PPM1A: variants seen among roughly 807,000 people sequenced by gnomAD.
PPM1A encodes the protein protein phosphatase 1A.
PPM1A carries 7 observed loss-of-function variants against 35.0 expected under a neutral mutation model. The ratio of observed to expected loss-of-function variants is 0.20; its 90% CI spans 0.11 to 0.38. The LOEUF (loss-of-function observed/expected upper bound fraction) is 0.38. Among genes scored for constraint, PPM1A ranks in the 10% least tolerant of loss-of-function variants. PPM1A has a pLI of 1.00. For missense variants in PPM1A, 239 were observed against 467.8 expected (o/e 0.51, Z 4.51); for synonymous variants, 153 against 167.3 (o/e 0.91, Z 0.66).
intron 1 of PPM1A, chr14:60,277,026 G>C (rs1441798547): frequency 8.4e-7 from 1 of 1,190,754 alleles, no homozygotes; most frequent in African/African-American, 1.6e-5. Context: ...GAAAAGTTCA[G>C]ATCAACTGAT....
chr14:60,264,281 C>T (rs567699383), intron 1 of PPM1A, among the ~76,000 whole-genome samples: 26 of 152,170 alleles, frequency 1.7e-4, no homozygotes, highest in African/African-American at 5.8e-4. Context: ...ACTTGGATCT[C>T]TGAGAAGTTC....
intron 1 of PPM1A, among the ~76,000 whole-genome samples, chr14:60,253,139 C>A (rs568503931): frequency 5.9e-5 from 9 of 152,054 alleles, no homozygotes; most frequent in Admixed American, 2.0e-4. Flanking sequence ...AAGGGGGGAT[C>A]TTGAGTTTTT....
chr14:60,283,562 T>C lies in PPM1A; in HGVS notation c.834+25T>C, dbSNP rs1399621384. ...GGTAGCTAGACTTTTTTTAAAAACATAAAATGATTTTATGCCATATTAATC... is the reference window on the plus strand; with the variant it reads ...GGTAGCTAGACTTTTTTTAAAAACACAAAATGATTTTATGCCATATTAATC... On this transcript the variant is annotated intron_variant, in intron 2 of 5. Transcript: ENST00000395076. The surrounding 1 kb of genome is among the most constrained non-coding windows in gnomAD (Gnocchi z 6.3). 1.3e-6 allele frequency: 2 copies of C among 1,573,050 alleles called. No homozygotes were observed. The highest frequency in any genetic ancestry group is 2.7e-5 in the African/African-American group (2 of 73,080).
chr14:60,262,633 T>A (rs1039606041), intron 1 of PPM1A, among the ~76,000 whole-genome samples: 1 of 152,098 alleles, frequency 6.6e-6, no homozygotes, highest in African/African-American at 2.4e-5. Flanking sequence ...ATAGTTTGAG[T>A]TGTGATCGTG....
chr14:60,285,565 C>T (rs1886924612), intron 2 of PPM1A, 59 bp from the exon 3 acceptor site: 1 of 1,551,520 alleles, frequency 6.4e-7, no homozygotes, highest in South Asian at 1.2e-5. Context: ...TGTAAAGGTT[C>T]TCAAGGCTTT....
chr14:60,262,299 G>A (rs1184650032), intron 1 of PPM1A, among the ~76,000 whole-genome samples: 1 of 152,152 alleles, frequency 6.6e-6, no homozygotes, highest in Non-Finnish European at 1.5e-5. Flanking sequence ...TAATCTACAG[G>A]ACTGAGCATT....
At chr14:60,286,336 C>T in intron 3 of PPM1A, 1 of 985,766 alleles carries the variant, frequency 1.0e-6, no homozygotes, top group Non-Finnish European at 1.2e-6. Flanking sequence ...AGAAAAGTAA[C>T]TGCCAAGTAA....
rs1223237039 is a variant in PPM1A, at chr14:60,293,084, C to G, written c.*602C>G. On this transcript the variant is annotated 3_prime_UTR_variant, in exon 6 of 6. Transcript: ENST00000395076. The surrounding 1 kb of genome is among the most constrained non-coding windows in gnomAD (Gnocchi z 4.0). ...AAAGCCAGTCCCTTCATTTAACTGT[C>G]TTTCAGGATGTTCCTTCGTTGTTTC... The G allele has an allele frequency of 6.6e-6, 1 of 152,058 alleles. No individual in the cohort carries two copies. Among genetic ancestry groups the G allele is most frequent in the Non-Finnish European group, 1.5e-5 (1 of 68,006 alleles). The allele number at this position is 152,058 out of a possible 1,614,324, so 9.4% of individuals were successfully genotyped here.
intron 1 of PPM1A, chr14:60,268,176 A>G (rs1192135307): frequency 3.1e-5 from 13 of 419,702 alleles, no homozygotes; most frequent in Non-Finnish European, 4.2e-5. Flanking sequence ...GTTTGTTGTG[A>G]CCTCCTTGGT....
At position 60,249,223 on chromosome 14, in the gene PPM1A, AGGC is replaced by A. The variant is rs537901136; in HGVS notation, c.-460_-458del. ...GCGCGCCTGCGCGGGGCCGCGCTAG[AGGC>A]GGCGGCGGCGGCGGTGGCGGCGCTA... On this transcript the variant is annotated 5_prime_UTR_variant, in exon 1 of 6. Coordinates refer to ENST00000395076, the MANE Select transcript of PPM1A (RefSeq NM_021003.5). The surrounding 1 kb of genome is among the most constrained non-coding windows in gnomAD (Gnocchi z 4.5). 2.9e-5 allele frequency: 29 copies of A among 984,780 alleles called. No individual in the cohort carries two copies. Among genetic ancestry groups the A allele is most frequent in the Middle Eastern group, 5.2e-4 (1 of 1,914 alleles). 61.0% of individuals were successfully genotyped at this position (984,780 alleles called of 1,614,324 possible).
intron 4 of PPM1A, among the ~76,000 whole-genome samples, chr14:60,290,252 TTAG>T: frequency 6.6e-6 from 1 of 152,258 alleles, no homozygotes; most frequent in Non-Finnish European, 1.5e-5. Flanking sequence ...AGTGTCGTTG[TTAG>T]TAGTAGTATA....
chr14:60,289,968 G>T lies in PPM1A; in HGVS notation c.1061+54G>T. On this transcript the variant is annotated intron_variant, in intron 4 of 5. Transcript: ENST00000395076. The surrounding 1 kb of genome is among the most constrained non-coding windows in gnomAD (Gnocchi z 4.1). ...TTTATGTCAGTGTATGAAAATGTTAGGTATTCATTGATAAAATGTTTGTTT... is the reference window on the plus strand; with the variant it reads ...TTTATGTCAGTGTATGAAAATGTTATGTATTCATTGATAAAATGTTTGTTT... 2.5e-6 allele frequency: 3 copies of T among 1,187,400 alleles called. No homozygotes were observed. The highest frequency in any genetic ancestry group is 1.2e-6 in the Non-Finnish European group (1 of 849,508). The allele number at this position is 1,187,400 out of a possible 1,614,324, so 73.6% of individuals were successfully genotyped here. A position where few individuals can be genotyped will look rare whatever the true frequency, so the allele number is the denominator to read the frequency against.
rs1886665813 is a variant in PPM1A, at chr14:60,283,960, GT to G, written c.834+424del. On this transcript the variant is annotated intron_variant, in intron 2 of 5. Transcript: ENST00000395076. This position sits in a 1 kb window ranked among gnomAD's most constrained non-coding sequence, Gnocchi z 6.3. ...CTTTGAAACTAAGGTTTAATGGTCTGTAGCACTTGAAAGAGGAATGTAGTGA... is the reference window on the plus strand; with the variant it reads ...CTTTGAAACTAAGGTTTAATGGTCTGAGCACTTGAAAGAGGAATGTAGTGA... Among the ~76,000 whole-genome samples, 1 of 152,208 alleles carries G rather than the reference GT, an allele frequency of 6.6e-6. No homozygotes were observed. Among genetic ancestry groups the G allele is most frequent in the Non-Finnish European group, 1.5e-5 (1 of 68,020 alleles).
At chr14:60,246,725 A>T (rs1336391984), upstream of PPM1A, among the ~76,000 whole-genome samples, 1 of 152,202 alleles carries the variant, frequency 6.6e-6, no homozygotes, top group African/African-American at 2.4e-5. Context: ...GACAATATTG[A>T]TATCTTTTTA....
At chr14:60,258,810 A>C (rs991687525) in intron 1 of PPM1A, among the ~76,000 whole-genome samples, 3 of 152,140 alleles carry the variant, frequency 2.0e-5, no homozygotes, top group African/African-American at 7.2e-5. Flanking sequence ...GTATTCGTCA[A>C]GTGTCATGTG....
At position 60,282,630 on chromosome 14, in the gene PPM1A, A is replaced by G. The variant is rs907898148; in HGVS notation, c.-20-54A>G. 1 of 1,559,336 alleles carries G rather than the reference A, an allele frequency of 6.4e-7. No homozygotes were observed. The highest frequency in any genetic ancestry group is 8.7e-7 in the Non-Finnish European group (1 of 1,150,818). On this transcript the variant is annotated intron_variant, in intron 1 of 5. Coordinates refer to ENST00000395076, the MANE Select transcript of PPM1A (RefSeq NM_021003.5). This position sits in a 1 kb window ranked among gnomAD's most constrained non-coding sequence, Gnocchi z 5.1. The stretch of plus-strand genomic sequence containing the variant: ...TCACTTATTAAAAAGATTGTTTGGT[A>G]CATATTTTGTTTATAAGACAGTTAT...
chr14:60,291,064 A>T (rs189234219), intron 4 of PPM1A, among the ~76,000 whole-genome samples: 1 of 152,302 alleles, frequency 6.6e-6, no homozygotes, highest in Admixed American at 6.5e-5. Flanking sequence ...ATTATATCTT[A>T]AGAATGGCAT....
At chr14:60,268,970 G>A (rs1384657951) in intron 1 of PPM1A, among the ~76,000 whole-genome samples, 1 of 150,786 alleles carries the variant, frequency 6.6e-6, no homozygotes, top group African/African-American at 2.4e-5. Context: ...TGTGGGGTAG[G>A]ATGGGGGAGT....
At chr14:60,267,122 G>A (rs1884477708) in intron 1 of PPM1A, 1 of 151,922 alleles carries the variant, frequency 6.6e-6, no homozygotes, top group African/African-American at 2.4e-5. Context: ...GTCATTAACT[G>A]CAAATAGTTG....
Sources: gnomAD v4.1 joint callset for allele counts (sites outside exome capture counted in the v4.1 genomes callset) on GRCh38, gnomAD v4.1.1 for gene constraint, Gnocchi (gnomAD v3.1) non-coding constraint, MANE v1.5 for transcripts, NCBI Gene and HGNC (gene_info 2026-07-23, HGNC 2026-07-21) for gene names.